SLC47A1: variants seen among roughly 807,000 people sequenced by gnomAD.
The protein encoded by SLC47A1 is solute carrier family 47 member 1.
SLC47A1 carries 58 observed loss-of-function variants against 65.8 expected under a neutral mutation model. The observed-to-expected ratio is 0.88, with a 90% CI of 0.71 to 1.10. The LOEUF (loss-of-function observed/expected upper bound fraction) is 1.10, where lower values mean the gene tolerates loss of function less well. SLC47A1 is among the 50% of genes least tolerant of loss of function. The pLI, the probability that SLC47A1 is intolerant of heterozygous loss-of-function variation, is 0.00. For synonymous variants in SLC47A1, 285 were observed against 295.0 expected (o/e 0.97, Z 0.35); for missense variants, 706 against 719.2 (o/e 0.98, Z 0.21).
At chr17:19,535,767 T>C (rs567153171) in intron 1 of SLC47A1, among the ~76,000 whole-genome samples, 2 of 152,148 alleles carry the variant, frequency 1.3e-5, no homozygotes, top group Non-Finnish European at 2.9e-5. Flanking sequence ...TGATTTGGAA[T>C]CTCAAGACCT....
intron 16 of SLC47A1, among the ~76,000 whole-genome samples, chr17:19,576,209 T>C (rs1441070780): frequency 1.3e-5 from 2 of 151,082 alleles, no homozygotes; most frequent in African/African-American, 2.4e-5. Flanking sequence ...AAAGAGTTTT[T>C]AATTTAAAAT....
chr17:19,575,546 G>A (rs887103824), intron 16 of SLC47A1, among the ~76,000 whole-genome samples: 2 of 151,990 alleles, frequency 1.3e-5, no homozygotes, highest in African/African-American at 2.4e-5. Context: ...TTACAGGTGC[G>A]TGCCACTATG....
intron 12 of SLC47A1, among the ~76,000 whole-genome samples, chr17:19,566,061 T>A (rs2084355350): frequency 6.6e-6 from 1 of 152,246 alleles, no homozygotes; most frequent in Non-Finnish European, 1.5e-5. Flanking sequence ...TTGACTGTTT[T>A]GGTATCACAG....
intron 14 of SLC47A1, chr17:19,567,914 G>A (rs1219457871): frequency 1.3e-5 from 2 of 152,208 alleles, no homozygotes; most frequent in African/African-American, 2.4e-5. Flanking sequence ...GAAGGAAGGG[G>A]GCGGACTTGA....
intron 4 of SLC47A1, among the ~76,000 whole-genome samples, chr17:19,548,475 T>C (rs1463671397): frequency 6.6e-6 from 1 of 150,738 alleles, no homozygotes; most frequent in Non-Finnish European, 1.5e-5. Flanking sequence ...CCTGTGCCCC[T>C]GCTCCCTACC....
At position 19,542,472 on chromosome 17, in the gene SLC47A1, A is replaced by AT. The variant is rs754397495; in HGVS notation, c.216dup (p.Ala73CysfsTer25). 6.2e-7 allele frequency: 1 copy of AT among 1,612,680 alleles called. No homozygotes were observed. The highest frequency in any genetic ancestry group is 8.5e-7 in the Non-Finnish European group (1 of 1,179,488). ...GGCCACCTGGGCAAGCTGGAGCTGG[A>AT]TGCAGTCACGCTGGCAATCGCGGTA... On this transcript the variant is annotated frameshift_variant, in exon 2 of 17. Transcript: ENST00000270570. LOFTEE classifies it high-confidence loss of function.
chr17:19,568,549 A>C (rs1420530156), intron 14 of SLC47A1, among the ~76,000 whole-genome samples: 1 of 152,216 alleles, frequency 6.6e-6, no homozygotes, highest in Non-Finnish European at 1.5e-5. Context: ...TAAATTGACA[A>C]ATTATAGTTG....
chr17:19,555,698 C>G lies in SLC47A1; in HGVS notation c.739+8C>G. 4 of 1,614,098 alleles carry G rather than the reference C, an allele frequency of 2.5e-6. 1 individual carries two copies. The highest frequency in any genetic ancestry group is 3.4e-6 in the Non-Finnish European group (4 of 1,179,978). On this transcript the variant is annotated splice_region_variant and intron_variant, in intron 8 of 16. Coordinates refer to ENST00000270570, the MANE Select transcript of SLC47A1 (RefSeq NM_018242.3). ...ATCAAGCTACATGGGGAGGTAATGA[C>G]TGCCCTTTTGTCTTCCAACTGGGAT...
At position 19,577,307 on chromosome 17, in the gene SLC47A1, A is replaced by G. The variant is rs79946705; in HGVS notation, c.1487-20A>G. 2,817 of 1,612,266 alleles carry G rather than the reference A, an allele frequency of 1.7e-3. 41 individuals carry two copies. The African/African-American group carries it at 0.031, about 18-fold the overall frequency. On this transcript the variant is annotated intron_variant, in intron 16 of 16. Coordinates refer to ENST00000270570, the MANE Select transcript of SLC47A1 (RefSeq NM_018242.3). ...AAAAAAAAATCCCTTTTAAGCTGCTAAGTTCCTTTTTCCTCCCAGGGTGCC... is the reference window on the plus strand; with the variant it reads ...AAAAAAAAATCCCTTTTAAGCTGCTGAGTTCCTTTTTCCTCCCAGGGTGCC...
At chr17:19,541,577 C>T (rs1181168190) in intron 1 of SLC47A1, among the ~76,000 whole-genome samples, 4 of 152,164 alleles carry the variant, frequency 2.6e-5, no homozygotes, top group Non-Finnish European at 4.4e-5. Flanking sequence ...GAATGCAAGG[C>T]GTTCAGCAGG....
rs147126778 is a variant in SLC47A1 at position 19,544,337 on chromosome 17, G to A, written c.237+1843G>A. Among the ~76,000 whole-genome samples, 995 of 152,336 alleles carry A rather than the reference G, an allele frequency of 6.5e-3. 4 individuals carry two copies. Among genetic ancestry groups the A allele is most frequent in the Middle Eastern group, 0.014 (4 of 294 alleles). On this transcript the variant is annotated intron_variant, in intron 2 of 16. Coordinates refer to ENST00000270570, the MANE Select transcript of SLC47A1 (RefSeq NM_018242.3). ...TAAGTATTGTATTTGCAATAGAGGAGAAGACAGAAATGCACTTAGCAAGCC... is the reference window on the plus strand; with the variant it reads ...TAAGTATTGTATTTGCAATAGAGGAAAAGACAGAAATGCACTTAGCAAGCC...
chr17:19,553,366 G>T (rs147358234), intron 6 of SLC47A1, among the ~76,000 whole-genome samples: 1 of 152,066 alleles, frequency 6.6e-6, no homozygotes, highest in Non-Finnish European at 1.5e-5. Context: ...CCATTCCATC[G>T]CAATGGGTGG....
chr17:19,542,350 A>G lies in SLC47A1; in HGVS notation c.136-43A>G, dbSNP rs371625356. On this transcript the variant is annotated intron_variant, in intron 1 of 16. Transcript: ENST00000270570. The stretch of plus-strand genomic sequence containing the variant: ...ACTTGGGGCCCCAGGCTTCCCTGCA[A>G]TGGTGGTCACTCACGTCCCTTCCCG... The G allele has an allele frequency of 3.4e-6, 5 of 1,483,680 alleles. No homozygotes were observed. The African/African-American group carries it at 5.6e-5, about 17-fold the overall frequency. The allele number at this position is 1,483,680 out of a possible 1,614,324, so 91.9% of individuals were successfully genotyped here.
rs1291412788 is a variant in SLC47A1 at position 19,533,904 on chromosome 17, G to A, written c.-36G>A. On this transcript the variant is annotated 5_prime_UTR_variant, in exon 1 of 17. Coordinates refer to ENST00000270570, the MANE Select transcript of SLC47A1 (RefSeq NM_018242.3). ...GCCGGCCTCCGCGGTACCCACTGCC[G>A]GCCTCCGCGCTACCCGGCCGCAGCG... The A allele has an allele frequency of 6.9e-7, 1 of 1,458,872 alleles. No individual in the cohort carries two copies. Among genetic ancestry groups the A allele is most frequent in the Non-Finnish European group, 9.0e-7 (1 of 1,109,956 alleles). 90.4% of individuals were successfully genotyped at this position (1,458,872 alleles called of 1,614,324 possible).
intron 1 of SLC47A1, among the ~76,000 whole-genome samples, chr17:19,541,883 T>C (rs1916158931): frequency 6.6e-6 from 1 of 152,160 alleles, no homozygotes; most frequent in Non-Finnish European, 1.5e-5. Flanking sequence ...TCCCAGCACT[T>C]TGGGAGGCCG....
At position 19,542,233 on chromosome 17, in the gene SLC47A1, C is replaced by T. The variant is rs533446115; in HGVS notation, c.136-160C>T. Among the ~76,000 whole-genome samples the T allele has an allele frequency of 4.6e-5, 7 of 152,312 alleles. No homozygotes were observed. The South Asian group carries it at 1.2e-3, about 27-fold the overall frequency. ...TTCAAGAAGCCTCCCATCCCCAGCC[C>T]CAGAAATTGTACATTTGCCTGTGAA... On this transcript the variant is annotated intron_variant, in intron 1 of 16. Coordinates refer to ENST00000270570, the MANE Select transcript of SLC47A1 (RefSeq NM_018242.3).
Position 19,555,887 on chromosome 17 carries a change from T to C in SLC47A1, c.831T>C (p.Tyr277=), listed in dbSNP as rs749917754. 9.9e-6 allele frequency: 16 copies of C among 1,614,022 alleles called. No homozygotes were observed. The highest frequency in any genetic ancestry group is 1.4e-5 in the Non-Finnish European group (16 of 1,180,016). Residue 277 remains tyrosine (Y), a synonymous_variant, in exon 9 of 17, where the codon TAT becomes TAC. Transcript: ENST00000270570. ...MLMLCMEWWA[Y]EVGSFLSGIL... ...TGCTGTGCATGGAGTGGTGGGCCTA[T>C]GAGGTCGGGAGCTTCCTCAGTGGTC...
At chr17:19,566,967 C>T in intron 13 of SLC47A1, 108 bp downstream of exon 13, 1 of 1,586,716 alleles carries the variant, frequency 6.3e-7, no homozygotes, top group Non-Finnish European at 8.6e-7. Context: ...ATATTGTTAC[C>T]ACATTTCGTT....
intron 3 of SLC47A1, among the ~76,000 whole-genome samples, chr17:19,547,347 CTTT>C (rs34710264): frequency 8.7e-6 from 1 of 115,066 alleles, no homozygotes. Flanking sequence ...CCCAGCCTGG[CTTT>C]TTTTTTTTTT....
Sources: gnomAD v4.1 joint callset for allele counts (sites outside exome capture counted in the v4.1 genomes callset) on GRCh38, gnomAD v4.1.1 for gene constraint, MANE v1.5 for transcripts, NCBI Gene and HGNC (gene_info 2026-07-23, HGNC 2026-07-21) for gene names.